The following EGLN3 variants were observed in gnomAD, a reference collection of about 807,000 sequenced individuals.
EGLN3 encodes prolyl hydroxylase EGLN3.
In EGLN3, 15 loss-of-function variants were observed where a neutral mutation model predicts 26.0. The ratio of observed to expected loss-of-function variants is 0.58; its 90% CI spans 0.39 to 0.89. The LOEUF (loss-of-function observed/expected upper bound fraction) is 0.89, where lower values mean the gene tolerates loss of function less well. Among genes scored for constraint, EGLN3 ranks in the 40% least tolerant of loss-of-function variants. The pLI is 0.00. For missense variants in EGLN3, 238 were observed against 311.6 expected (o/e 0.76, Z 1.78); for synonymous variants, 147 against 127.2 (o/e 1.16, Z -1.05).
chr14:33,939,443 C>G (rs1431207553), intron 1 of EGLN3, among the ~76,000 whole-genome samples: 1 of 152,162 alleles, frequency 6.6e-6, no homozygotes, highest in African/African-American at 2.4e-5. Flanking sequence ...ATCTCCTGAC[C>G]TCGTGATCCA....
chr14:33,930,145 A>G (rs2064391681), intron 2 of EGLN3, among the ~76,000 whole-genome samples: 1 of 152,324 alleles, frequency 6.6e-6, no homozygotes, highest in South Asian at 2.1e-4. Context: ...AACGCCTGAC[A>G]CTAGCAGGAA....
intron 2 of EGLN3, among the ~76,000 whole-genome samples, chr14:33,929,722 C>T (rs6571624): frequency 0.57 from 85,894 of 151,772 alleles, 24,606 homozygotes; most frequent in South Asian, 0.71. Flanking sequence ...AAAAAAAGCA[C>T]TCCCACCCCC....
In EGLN3 at chr14:33,929,134, G is replaced by C; in HGVS notation, c.556C>G (p.Leu186Val). Residue 186 changes from leucine to valine, a missense_variant, in exon 3 of 5, where the codon CTG becomes GTG. Transcript: ENST00000250457. ...ADVEPIFDRL[L>V]FFWSDRRNPH... ...TTCCTACGATCTGACCAGAAGAACA[G>C]GAGTCTGTCAAAAATGGGCTCCACA... 1 of 1,614,174 alleles carries C rather than the reference G, an allele frequency of 6.2e-7. No homozygotes were observed. Among genetic ancestry groups the C allele is most frequent in the Admixed American group, 1.7e-5 (1 of 60,030 alleles).
chr14:33,930,656 G>A (rs984717219), intron 2 of EGLN3, among the ~76,000 whole-genome samples: 2 of 152,160 alleles, frequency 1.3e-5, no homozygotes, highest in African/African-American at 4.8e-5. Context: ...CACCCCGAGG[G>A]AGAGGACTGT....
At chr14:33,925,980 TATGTCACAA>T in intron 4 of EGLN3, 58 bp from the exon 5 acceptor site, 1 of 1,568,998 alleles carries the variant, frequency 6.4e-7, no homozygotes, top group Non-Finnish European at 8.8e-7. Context: ...TGATGAGTTT[TATGTCACAA>T]ATGTCACCAA....
In EGLN3 at chr14:33,930,652, G is replaced by A. The variant is rs111251860; in HGVS notation, c.477+444C>T. 4.7e-4 allele frequency among the ~76,000 whole-genome samples: 72 copies of A among 152,246 alleles called. 1 individual carries two copies. The highest frequency in any genetic ancestry group is 8.3e-4 in the South Asian group (4 of 4,828). On this transcript the variant is annotated intron_variant, in intron 2 of 4. Coordinates refer to ENST00000250457, the MANE Select transcript of EGLN3 (RefSeq NM_022073.4). ...AGCCATCAATGAGACATACCACCCC[G>A]AGGGAGAGGACTGTGTGGGAAATCT... is the stretch of plus-strand genomic sequence containing the variant.
chr14:33,931,929 C>G (rs1327509005), intron 1 of EGLN3, among the ~76,000 whole-genome samples: 1 of 152,148 alleles, frequency 6.6e-6, no homozygotes, highest in Non-Finnish European at 1.5e-5. Flanking sequence ...CTGTATCAAC[C>G]AGGTGGAAGA....
In EGLN3 at chr14:33,924,348, T is replaced by C. The variant is rs1241331739; in HGVS notation, c.*1543A>G. ...ATATACAAAATTCCTGTCTTCATTG[T>C]GCTTACACTCCAGAGAAAGGATACA... On this transcript the variant is annotated 3_prime_UTR_variant, in exon 5 of 5. Transcript: ENST00000250457. The C allele has an allele frequency of 2.0e-5, 3 of 152,176 alleles. No individual in the cohort carries two copies. The highest frequency in any genetic ancestry group is 4.4e-5 in the Non-Finnish European group (3 of 68,024). 9.4% of individuals were successfully genotyped at this position (152,176 alleles called of 1,614,324 possible).
At chr14:33,928,881 C>G (rs1395277937) in intron 3 of EGLN3, among the ~76,000 whole-genome samples, 195 bp downstream of exon 3, 1 of 152,208 alleles carries the variant, frequency 6.6e-6, no homozygotes, top group Non-Finnish European at 1.5e-5. Context: ...ATAGTACTTT[C>G]AAACTGAGGT....
In EGLN3 at chr14:33,950,788, T is replaced by G; in HGVS notation, c.-36A>C. On this transcript the variant is annotated 5_prime_UTR_variant, in exon 1 of 5. Coordinates refer to ENST00000250457, the MANE Select transcript of EGLN3 (RefSeq NM_022073.4). Reference sequence around the variant, plus strand: ...GAATCGAGGTCCGGGATCCCCAGCGTGCAACCAGAGAGGGAACGATCTACA... The same window carrying G: ...GAATCGAGGTCCGGGATCCCCAGCGGGCAACCAGAGAGGGAACGATCTACA... 1 of 1,556,586 alleles carries G rather than the reference T, an allele frequency of 6.4e-7. No individual in the cohort carries two copies. The highest frequency in any genetic ancestry group is 8.8e-7 in the Non-Finnish European group (1 of 1,141,494).
chr14:33,925,967 C>T, intron 4 of EGLN3, 45 bp from the exon 5 acceptor site: 1 of 1,597,124 alleles, frequency 6.3e-7, no homozygotes, highest in Non-Finnish European at 8.6e-7. Flanking sequence ...ATGGAGTCAG[C>T]TCTGATGAGT....
At chr14:33,938,745 A>G (rs551189288) in intron 1 of EGLN3, among the ~76,000 whole-genome samples, 26 of 152,316 alleles carry the variant, frequency 1.7e-4, no homozygotes, top group Admixed American at 5.9e-4. Context: ...CTGTTTCCTG[A>G]GAATTCATGT....
chr14:33,950,650 G>A lies in EGLN3; in HGVS notation c.103C>T (p.Leu35=), dbSNP rs780602820. 2 of 1,614,042 alleles carry A rather than the reference G, an allele frequency of 1.2e-6. No homozygotes were observed. The highest frequency in any genetic ancestry group is 1.3e-5 in the African/African-American group (1 of 75,062). ...EVGFCYLDNF[L]GEVVGDCVLE... Reference sequence around the variant, plus strand: ...ACGCAGTCGCCCACCACCTCGCCCAGGAAGTTGTCCAGGTAGCAGAAGCCC... The same window carrying A: ...ACGCAGTCGCCCACCACCTCGCCCAAGAAGTTGTCCAGGTAGCAGAAGCCC... Residue 35 remains leucine (L), a synonymous_variant, in exon 1 of 5, where the codon CTG becomes TTG. Coordinates refer to ENST00000250457, the MANE Select transcript of EGLN3 (RefSeq NM_022073.4).
At chr14:33,927,189 A>ATTTATTTT (rs1417538510) in intron 3 of EGLN3, among the ~76,000 whole-genome samples, 156 bp from the exon 4 acceptor site, 12 of 150,370 alleles carry the variant, frequency 8.0e-5, no homozygotes, top group South Asian at 4.2e-4. Context: ...TTATTTATTT[A>ATTTATTTT]TTTTTTGAGA....
chr14:33,925,717 C>T lies in EGLN3; in HGVS notation c.*174G>A. 2.9e-6 allele frequency: 2 copies of T among 696,210 alleles called. No homozygotes were observed. The highest frequency in any genetic ancestry group is 2.6e-4 in the Middle Eastern group (1 of 3,846). 43.1% of individuals were successfully genotyped at this position (696,210 alleles called of 1,614,324 possible). On this transcript the variant is annotated 3_prime_UTR_variant, in exon 5 of 5. Transcript: ENST00000250457. Reference sequence around the variant, plus strand: ...GGCAAAGAGAGTATCTGAAGATCAACACAGTCTTGGCAAGAAAACATGAAG... The same window carrying T: ...GGCAAAGAGAGTATCTGAAGATCAATACAGTCTTGGCAAGAAAACATGAAG...
chr14:33,941,960 G>A (rs2064486429), intron 1 of EGLN3, among the ~76,000 whole-genome samples: 1 of 152,222 alleles, frequency 6.6e-6, no homozygotes. Flanking sequence ...GAAATTAAGT[G>A]TAGAAAGGTC....
chr14:33,940,235 C>A (rs559286066), intron 1 of EGLN3, among the ~76,000 whole-genome samples: 1 of 152,168 alleles, frequency 6.6e-6, no homozygotes. Flanking sequence ...GCCTCAAATG[C>A]AGTTGTCTTG....
At chr14:33,930,439 G>C (rs2064394424) in intron 2 of EGLN3, among the ~76,000 whole-genome samples, 1 of 152,180 alleles carries the variant, frequency 6.6e-6, no homozygotes, top group South Asian at 2.1e-4. Flanking sequence ...AGCCAAATAA[G>C]CTTGAAAAGT....
chr14:33,944,331 A>G (rs1297440252), intron 1 of EGLN3, among the ~76,000 whole-genome samples: 2 of 152,122 alleles, frequency 1.3e-5, no homozygotes, highest in Non-Finnish European at 2.9e-5. Context: ...CATGTTGGCC[A>G]GGCTGGTCTC....
Sources: allele counts gnomAD v4.1 joint callset (sites outside exome capture counted in the v4.1 genomes callset), GRCh38; gene constraint gnomAD v4.1.1; transcripts MANE v1.5; gene names NCBI Gene and HGNC (gene_info 2026-07-23, HGNC 2026-07-21).